Variants in CFAP54 observed in about 807,000 individuals in gnomAD.
CFAP54 encodes cilia- and flagella-associated protein 54.
A neutral mutation model predicts 370.4 loss-of-function variants in CFAP54; 290 were observed. The observed-to-expected ratio is 0.78, with a 90% CI of 0.71 to 0.86. CFAP54 has a LOEUF of 0.86. Ranked by LOEUF, CFAP54 falls within the 40% of genes least tolerant of loss-of-function variation. The pLI, the probability that CFAP54 is intolerant of heterozygous loss-of-function variation, is 0.00. For missense variants in CFAP54, 3,399 were observed against 3,528.7 expected (o/e 0.96, Z 0.93); for synonymous variants, 1,206 against 1,236.5 (o/e 0.98, Z 0.52).
chr12:96,846,275 C>T (rs746295293), intron 66 of CFAP54, among the ~76,000 whole-genome samples: 58 of 152,232 alleles, frequency 3.8e-4, no homozygotes, highest in Admixed American at 5.9e-4. Context: ...TTCCACTTTT[C>T]CTTCCAGCCC....
At chr12:96,853,626 A>G (rs550935348) in intron 66 of CFAP54, among the ~76,000 whole-genome samples, 14 of 152,302 alleles carry the variant, frequency 9.2e-5, no homozygotes, top group African/African-American at 1.4e-4. Context: ...GTATTTTAGC[A>G]TGATAGAAAT....
chr12:96,589,426 G>A lies in CFAP54; in HGVS notation c.3076-1G>A, dbSNP rs899673119. On this transcript the variant is annotated splice_acceptor_variant, in intron 22 of 67. Coordinates refer to ENST00000524981, the MANE Select transcript of CFAP54 (RefSeq NM_001306084.2). LOFTEE classifies it high-confidence loss of function. ...ACATAAATATGTGCTTTTTGTTATAGGTTGCCTATCAAGTTGGTAACTATG... is the reference window on the plus strand; with the variant it reads ...ACATAAATATGTGCTTTTTGTTATAAGTTGCCTATCAAGTTGGTAACTATG... The A allele has an allele frequency of 4.6e-6, 7 of 1,525,714 alleles. No individual in the cohort carries two copies. In the African/African-American group the frequency reaches 9.6e-5, roughly 21 times the overall value. 94.5% of individuals were successfully genotyped at this position (1,525,714 alleles called of 1,614,324 possible). A position where few individuals can be genotyped will look rare whatever the true frequency, so the allele number is the denominator to read the frequency against.
At chr12:96,872,189 A>T (rs1379802007) in intron 67 of CFAP54, among the ~76,000 whole-genome samples, 1 of 152,212 alleles carries the variant, frequency 6.6e-6, no homozygotes, top group Non-Finnish European at 1.5e-5. Flanking sequence ...AACCAGAAGA[A>T]AAAACACAAA....
chr12:96,537,919 A>G, intron 12 of CFAP54, among the ~76,000 whole-genome samples: 1 of 151,910 alleles, frequency 6.6e-6, no homozygotes, highest in Non-Finnish European at 1.5e-5. Flanking sequence ...GAAACTCCAT[A>G]TCTACTAAAA....
At chr12:96,719,337 A>C (rs1375424016) in intron 49 of CFAP54, among the ~76,000 whole-genome samples, 1 of 152,174 alleles carries the variant, frequency 6.6e-6, no homozygotes, top group Non-Finnish European at 1.5e-5. Flanking sequence ...TAAACATTAT[A>C]CTGAATTGCC....
At position 96,697,083 on chromosome 12, in the gene CFAP54, A is replaced by G. The variant is rs117961520; in HGVS notation, c.6352-2888A>G. Among the ~76,000 whole-genome samples the G allele has an allele frequency of 4.5e-3, 691 of 152,348 alleles. 9 individuals are homozygous for G. Among genetic ancestry groups the G allele is most frequent in the South Asian group, 0.042 (204 of 4,830 alleles). On this transcript the variant is annotated intron_variant, in intron 45 of 67. Coordinates refer to ENST00000524981, the MANE Select transcript of CFAP54 (RefSeq NM_001306084.2). ...TTGTCACTGTCAACACATCAAACCT[A>G]GAAAGGGTACCAATGATCCTATATT...
At chr12:96,674,810 C>T (rs1252771858) in intron 39 of CFAP54, among the ~76,000 whole-genome samples, 1 of 152,162 alleles carries the variant, frequency 6.6e-6, no homozygotes, top group Non-Finnish European at 1.5e-5. Context: ...TGGTGCCAGG[C>T]ACAGTGCCTA....
chr12:96,647,507 T>C (rs913248810), intron 33 of CFAP54, among the ~76,000 whole-genome samples: 1 of 92,452 alleles, frequency 1.1e-5, no homozygotes, highest in Admixed American at 1.2e-4. Context: ...GAAATGCCAT[T>C]GATTATGGAC....
intron 26 of CFAP54, among the ~76,000 whole-genome samples, chr12:96,614,116 A>G (rs1956390569): frequency 6.6e-6 from 1 of 152,244 alleles, no homozygotes; most frequent in Admixed American, 6.5e-5. Context: ...AATCCTCAAT[A>G]AAATGCTGGC....
chr12:96,555,844 C>G (rs1955745773), intron 17 of CFAP54, among the ~76,000 whole-genome samples: 1 of 151,708 alleles, frequency 6.6e-6, no homozygotes, highest in South Asian at 2.1e-4. Flanking sequence ...TCTATAGACT[C>G]AATGCAATTT....
At chr12:96,647,777 A>G (rs954233785) in intron 33 of CFAP54, 98 bp from the exon 34 acceptor site, 3 of 1,088,364 alleles carry the variant, frequency 2.8e-6, no homozygotes, top group Admixed American at 3.5e-5. Context: ...ATTTGGGAGT[A>G]CTCACAAATG....
rs190572919 is a variant in CFAP54, at chr12:96,533,672, A to T, written c.1358-120A>T. Reference sequence around the variant, plus strand: ...AAGATTTCTTGTTTCCCCCACTAGAACGTAAATCTTATGAAAGCAGGGATT... The same window carrying T: ...AAGATTTCTTGTTTCCCCCACTAGATCGTAAATCTTATGAAAGCAGGGATT... On this transcript the variant is annotated intron_variant, in intron 9 of 67. Coordinates refer to ENST00000524981, the MANE Select transcript of CFAP54 (RefSeq NM_001306084.2). The T allele has an allele frequency of 5.4e-5, 42 of 773,740 alleles. No homozygotes were observed. The East Asian group carries it at 1.2e-3, about 22-fold the overall frequency. 47.9% of individuals were successfully genotyped at this position (773,740 alleles called of 1,614,324 possible).
intron 12 of CFAP54, among the ~76,000 whole-genome samples, 151 bp downstream of exon 12, chr12:96,535,751 C>G (rs1399141014): frequency 2.0e-5 from 3 of 152,126 alleles, no homozygotes; most frequent in Admixed American, 6.5e-5. Context: ...TAGATTCTGA[C>G]TTGTAGTTTT....
At chr12:96,541,025 TACAAA>T in intron 14 of CFAP54, 38 bp downstream of exon 14, 2 of 1,321,632 alleles carry the variant, frequency 1.5e-6, no homozygotes, top group Non-Finnish European at 2.0e-6. Context: ...CATATATAAA[TACAAA>T]TATATAGGTA....
intron 66 of CFAP54, among the ~76,000 whole-genome samples, chr12:96,834,171 A>G (rs888187549): frequency 6.6e-6 from 1 of 152,246 alleles, no homozygotes; most frequent in Admixed American, 6.5e-5. Context: ...GAAAGTGTAG[A>G]TTAGTCTTTA....
chr12:96,540,611 C>T (rs904943164), intron 13 of CFAP54, among the ~76,000 whole-genome samples: 2 of 152,158 alleles, frequency 1.3e-5, no homozygotes, highest in African/African-American at 4.8e-5. Context: ...AATGAATCTA[C>T]TTTATGAATT....
intron 39 of CFAP54, among the ~76,000 whole-genome samples, chr12:96,675,531 G>T (rs564467499): frequency 3.9e-5 from 6 of 152,264 alleles, no homozygotes; most frequent in Non-Finnish European, 7.4e-5. Context: ...TCAGTGTGGC[G>T]ATTCCTTAGG....
intron 36 of CFAP54, among the ~76,000 whole-genome samples, chr12:96,656,883 T>G (rs566113716): frequency 6.6e-6 from 1 of 152,224 alleles, no homozygotes; most frequent in African/African-American, 2.4e-5. Flanking sequence ...TAAAAGTATG[T>G]CCCATGTGCT....
At chr12:96,849,918 C>T (rs749388041) in intron 66 of CFAP54, among the ~76,000 whole-genome samples, 2 of 152,162 alleles carry the variant, frequency 1.3e-5, no homozygotes, top group Non-Finnish European at 2.9e-5. Context: ...TCCCTCATCT[C>T]CACAAAGCCT....
Sources: allele counts gnomAD v4.1 joint callset (sites outside exome capture counted in the v4.1 genomes callset), GRCh38; gene constraint gnomAD v4.1.1; transcripts MANE v1.5; gene names NCBI Gene and HGNC (gene_info 2026-07-23, HGNC 2026-07-21).